Variants in KIF26B observed in about 807,000 individuals in gnomAD.
KIF26B encodes kinesin-like protein KIF26B.
KIF26B carries 63 observed loss-of-function variants against 151.2 expected under a neutral mutation model. The observed-to-expected ratio is 0.42, with a 90% CI of 0.34 to 0.51. KIF26B has a LOEUF of 0.51. Ranked by LOEUF, KIF26B falls within the 20% of genes least tolerant of loss-of-function variation. KIF26B has a pLI of 0.07. For synonymous variants in KIF26B, 1,357 were observed against 1,262.1 expected, an observed-to-expected ratio of 1.08 and a Z score of -1.59; for missense variants, 2,813 against 2,913.6, an observed-to-expected ratio of 0.97 and a Z score of 0.79.
At chr1:245,697,475 C>T (rs1171098925) in intron 12 of KIF26B, among the ~76,000 whole-genome samples, 1 of 152,190 alleles carries the variant, frequency 6.6e-6, no homozygotes, top group African/African-American at 2.4e-5. Flanking sequence ...TTTTCTGGAA[C>T]TCCTGTAATG....
chr1:245,515,586 C>T (rs1243378622), intron 4 of KIF26B, among the ~76,000 whole-genome samples: 2 of 152,186 alleles, frequency 1.3e-5, no homozygotes, highest in Admixed American at 6.5e-5. Context: ...AGTATGAGGA[C>T]AAAGCATTTT....
chr1:245,608,832 A>G (rs2043485541), intron 7 of KIF26B, among the ~76,000 whole-genome samples: 1 of 151,858 alleles, frequency 6.6e-6, no homozygotes, highest in Non-Finnish European at 1.5e-5. Flanking sequence ...GATTACTGTA[A>G]CCTCCAATTC....
intron 2 of KIF26B, among the ~76,000 whole-genome samples, chr1:245,360,486 T>C (rs1672795783): frequency 1.3e-5 from 2 of 152,226 alleles, no homozygotes; most frequent in Non-Finnish European, 2.9e-5. Context: ...GCTAAAAATG[T>C]TGCACATATT....
chr1:245,262,575 C>T (rs1198340313), intron 2 of KIF26B, among the ~76,000 whole-genome samples: 2 of 152,110 alleles, frequency 1.3e-5, no homozygotes, highest in Non-Finnish European at 2.9e-5. Flanking sequence ...CTGCCTCAGG[C>T]TCCCGAATAG....
chr1:245,556,893 A>G lies in KIF26B; in HGVS notation c.1350+15943A>G, dbSNP rs150937223. Among the ~76,000 whole-genome samples the G allele has an allele frequency of 1.5e-3, 224 of 151,088 alleles. 1 individual carries two copies. The highest frequency in any genetic ancestry group is 5.4e-3 in the African/African-American group (217 of 40,422). On this transcript the variant is annotated intron_variant, in intron 5 of 14. Transcript: ENST00000407071. The stretch of plus-strand genomic sequence containing the variant: ...GTTTCTGCCTTTCCCCACTCTTGCA[A>G]TGGCTCACCACAGTCATCCCATTTT...
intron 3 of KIF26B, among the ~76,000 whole-genome samples, chr1:245,388,877 G>A (rs115513716): frequency 2.6e-5 from 4 of 152,160 alleles, no homozygotes; most frequent in Non-Finnish European, 4.4e-5. Flanking sequence ...TGAACTGTGC[G>A]CACCTTTGCC....
intron 2 of KIF26B, among the ~76,000 whole-genome samples, chr1:245,189,547 G>A (rs571492565): frequency 1.3e-5 from 2 of 152,312 alleles, no homozygotes; most frequent in South Asian, 2.1e-4. Context: ...CTCAGGGTTC[G>A]TGAACCTCAG....
chr1:245,254,046 G>A (rs1167231762), intron 2 of KIF26B, among the ~76,000 whole-genome samples: 5 of 152,072 alleles, frequency 3.3e-5, no homozygotes, highest in East Asian at 1.9e-4. Flanking sequence ...TCCTGACCTC[G>A]TAATTTGCCC....
At chr1:245,551,710 G>A (rs1661883883) in intron 5 of KIF26B, among the ~76,000 whole-genome samples, 1 of 152,194 alleles carries the variant, frequency 6.6e-6, no homozygotes. Flanking sequence ...CGGAAGCCCA[G>A]AAGGAAGTTG....
intron 5 of KIF26B, among the ~76,000 whole-genome samples, chr1:245,590,019 T>C (rs2043269305): frequency 6.6e-6 from 1 of 152,152 alleles, no homozygotes; most frequent in South Asian, 2.1e-4. Context: ...ACGCAGCATC[T>C]CTTGACTGTT....
intron 10 of KIF26B, among the ~76,000 whole-genome samples, chr1:245,652,630 T>C (rs958438235): frequency 6.6e-6 from 1 of 152,126 alleles, no homozygotes; most frequent in Admixed American, 6.5e-5. Context: ...CGCCAGTCAC[T>C]CAGGGAGAAA....
chr1:245,426,094 G>GATCAGA (rs1658642551), intron 4 of KIF26B, among the ~76,000 whole-genome samples: 1 of 152,094 alleles, frequency 6.6e-6, no homozygotes, highest in African/African-American at 2.4e-5. Context: ...GATGACTTCA[G>GATCAGA]ATCAGAACTT....
intron 2 of KIF26B, among the ~76,000 whole-genome samples, chr1:245,279,187 T>A (rs143644973): frequency 6.6e-6 from 1 of 152,254 alleles, no homozygotes; most frequent in Non-Finnish European, 1.5e-5. Context: ...TGAAAAGAAC[T>A]CATAATTAGC....
rs1231267387 is a variant in KIF26B, at chr1:245,688,786, C to G, written c.5803C>G (p.Pro1935Ala). The stretch of plus-strand genomic sequence containing the variant: ...CGGCAGGTGCCGGAGCCTCAAGACC[C>G]CGAAGAAACGCTCCAATCCAGGTAG... ...VGGRCRSLKT[P>A]KKRSNPGSQR... Residue 1935 changes from proline (P) to alanine (A), a missense_variant, in exon 12 of 15, where the codon CCG becomes GCG. This residue lies in a region of KIF26B where 2,060 missense variants were observed against 2,088.6 expected (regional missense o/e 0.99). Transcript: ENST00000407071. The G allele has an allele frequency of 5.7e-6, 9 of 1,588,742 alleles. No individual in the cohort carries two copies. The highest frequency in any genetic ancestry group is 1.4e-5 in the African/African-American group (1 of 74,066).
intron 10 of KIF26B, among the ~76,000 whole-genome samples, chr1:245,652,154 CAT>C (rs2044026260): frequency 8.2e-6 from 1 of 121,984 alleles, no homozygotes; most frequent in Non-Finnish European, 1.7e-5. Context: ...GTGAGAGAGA[CAT>C]ATGCATATTT....
chr1:245,365,520 C>A lies in KIF26B; in HGVS notation c.466-1314C>A, dbSNP rs368729123. ...CCGTCACTGCCTCACAACTCCCCCC[C>A]ACCAGCCTACAGCTCAGCAAACCGC... is the stretch of plus-strand genomic sequence containing the variant. On this transcript the variant is annotated intron_variant, in intron 2 of 14. Coordinates refer to ENST00000407071, the MANE Select transcript of KIF26B (RefSeq NM_018012.4). Among the ~76,000 whole-genome samples the A allele has an allele frequency of 5.9e-4, 88 of 149,218 alleles. No individual in the cohort carries two copies. In the East Asian group the frequency reaches 0.013, roughly 21 times the overall value.
intron 3 of KIF26B, among the ~76,000 whole-genome samples, chr1:245,419,294 TC>T (rs1414507057): frequency 6.6e-6 from 1 of 152,226 alleles, no homozygotes; most frequent in Non-Finnish European, 1.5e-5. Flanking sequence ...GGATAATGGT[TC>T]ATGTTTTCCC....
intron 2 of KIF26B, among the ~76,000 whole-genome samples, chr1:245,353,350 C>T (rs1454017770): frequency 1.3e-5 from 2 of 152,214 alleles, no homozygotes; most frequent in Non-Finnish European, 2.9e-5. Flanking sequence ...CTCAGACGCT[C>T]AAGATGTTCT....
At chr1:245,282,672 G>A (rs1337372604) in intron 2 of KIF26B, among the ~76,000 whole-genome samples, 1 of 152,150 alleles carries the variant, frequency 6.6e-6, no homozygotes, top group African/African-American at 2.4e-5. Flanking sequence ...GCCTCCTCCA[G>A]CCTCTGTATA....
Sources: allele counts gnomAD v4.1 joint callset (sites outside exome capture counted in the v4.1 genomes callset), GRCh38; gene constraint gnomAD v4.1.1; regional missense constraint gnomAD v4.1.1; transcripts MANE v1.5; gene names NCBI Gene and HGNC (gene_info 2026-07-23, HGNC 2026-07-21).